Variants in LMBRD2 observed in about 807,000 individuals in gnomAD.
The protein encoded by LMBRD2 is LMBR1 domain containing 2, also known as G protein-coupled receptor-associated protein LMBRD2.
LMBRD2 carries 55 observed loss-of-function variants against 94.4 expected under a neutral mutation model. The ratio of observed to expected loss-of-function variants is 0.58; its 90% CI spans 0.47 to 0.73. The LOEUF (loss-of-function observed/expected upper bound fraction) is 0.73. LMBRD2 is among the 30% of genes least tolerant of loss of function. LMBRD2 has a pLI of 0.00. For synonymous variants in LMBRD2, 246 were observed against 272.4 expected, an observed-to-expected ratio of 0.90 and a Z score of 0.95; for missense variants, 640 against 831.9, an observed-to-expected ratio of 0.77 and a Z score of 2.84.
At chr5:36,148,803 G>A (rs1216531997) in intron 1 of LMBRD2, among the ~76,000 whole-genome samples, 1 of 152,124 alleles carries the variant, frequency 6.6e-6, no homozygotes, top group Non-Finnish European at 1.5e-5. Flanking sequence ...CTCTAATCTA[G>A]ACATAGTTTC....
At chr5:36,149,920 T>C (rs1744648194) in intron 1 of LMBRD2, among the ~76,000 whole-genome samples, 1 of 151,990 alleles carries the variant, frequency 6.6e-6, no homozygotes, top group African/African-American at 2.4e-5. Flanking sequence ...AAAATAAAAA[T>C]AAAATTAATC....
intron 6 of LMBRD2, among the ~76,000 whole-genome samples, chr5:36,128,833 C>G (rs1744069245): frequency 6.6e-6 from 1 of 151,976 alleles, no homozygotes; most frequent in Non-Finnish European, 1.5e-5. Flanking sequence ...CAAGGAAACT[C>G]AACAAAATTC....
chr5:36,110,608 G>A (rs1743581148), intron 14 of LMBRD2, among the ~76,000 whole-genome samples: 1 of 151,922 alleles, frequency 6.6e-6, no homozygotes, highest in Non-Finnish European at 1.5e-5. Context: ...ACTCAAGTAG[G>A]GAGAATGTCT....
chr5:36,120,067 C>CT (rs1166616874), intron 9 of LMBRD2, among the ~76,000 whole-genome samples: 1,606 of 140,846 alleles, frequency 0.011, 14 homozygotes, highest in Middle Eastern at 0.055. Context: ...CTCTTTATTT[C>CT]TTTTTTTTTT....
chr5:36,144,276 A>G (rs931064748), intron 1 of LMBRD2, among the ~76,000 whole-genome samples: 2 of 152,230 alleles, frequency 1.3e-5, no homozygotes, highest in African/African-American at 4.8e-5. Flanking sequence ...CAAAGGCAAT[A>G]TGAACTTTTT....
rs371000455 is a variant in LMBRD2, at chr5:36,146,941, A to AGT, written c.-57-3537_-57-3536dup. Among the ~76,000 whole-genome samples the AGT allele has an allele frequency of 4.6e-3, 641 of 139,458 alleles. 4 individuals are homozygous for AGT. The highest frequency in any genetic ancestry group is 0.013 in the South Asian group (57 of 4,224). 91.5% of individuals were successfully genotyped at this position (139,458 alleles called of 152,430 possible). ...CTCTGCGTGTGTGTGTGTGTGTGTGAGTGTGTGTGTGTGTGTGTGTGTGTG... is the reference window on the plus strand; with the variant it reads ...CTCTGCGTGTGTGTGTGTGTGTGTGAGTGTGTGTGTGTGTGTGTGTGTGTGTG... On this transcript the variant is annotated intron_variant, in intron 1 of 17. Transcript: ENST00000296603.
At chr5:36,149,559 T>C (rs12655052) in intron 1 of LMBRD2, among the ~76,000 whole-genome samples, 7,765 of 152,294 alleles carry the variant, frequency 0.051, 297 homozygotes, top group East Asian at 0.13. Context: ...CCTATCATCA[T>C]CTAGACAGCA....
At chr5:36,118,854 C>T (rs569749220) in intron 9 of LMBRD2, among the ~76,000 whole-genome samples, 94 of 151,906 alleles carry the variant, frequency 6.2e-4, no homozygotes, top group African/African-American at 2.2e-3. Context: ...CCACCATGCC[C>T]AGCTAATTTT....
chr5:36,107,512 T>C (rs533368197), intron 16 of LMBRD2, among the ~76,000 whole-genome samples: 12 of 152,374 alleles, frequency 7.9e-5, no homozygotes, highest in African/African-American at 1.7e-4. Context: ...TTCTATTAGA[T>C]CATCATTGCT....
In LMBRD2 at chr5:36,116,501, T is replaced by C. The variant is rs1267028676; in HGVS notation, c.1395A>G (p.Ser465=). The C allele has an allele frequency of 6.2e-7, 1 of 1,613,062 alleles. No individual in the cohort carries two copies. The highest frequency in any genetic ancestry group is 1.3e-5 in the African/African-American group (1 of 74,870). Residue 465 remains serine (S), a synonymous_variant, in exon 11 of 18, where the codon TCA becomes TCG. Transcript: ENST00000296603. ...IRVFNYYYLA[S]HHQTDAYSLL... ...GGCTATAAGCATCAGTCTGGTGATGTGAGGCCAAATAATAATAGTTAAATA... is the reference window on the plus strand; with the variant it reads ...GGCTATAAGCATCAGTCTGGTGATGCGAGGCCAAATAATAATAGTTAAATA...
chr5:36,136,994 A>G (rs1052064587), intron 5 of LMBRD2, among the ~76,000 whole-genome samples: 1 of 152,152 alleles, frequency 6.6e-6, no homozygotes, highest in African/African-American at 2.4e-5. Flanking sequence ...TATCATAAAA[A>G]TTTTGAAATT....
Position 36,144,098 on chromosome 5 carries a change from CTATT to C in LMBRD2, c.-57-696_-57-693del, listed in dbSNP as rs1744481250. Reference sequence around the variant, plus strand: ...TTATATGCAGAAAATTTATCAATGACTATTAAAGTCATACATTTGAAAACATTCT... The same window carrying C: ...TTATATGCAGAAAATTTATCAATGACAAAGTCATACATTTGAAAACATTCT... On this transcript the variant is annotated intron_variant, in intron 1 of 17. Coordinates refer to ENST00000296603, the MANE Select transcript of LMBRD2 (RefSeq NM_001007527.2). Among the ~76,000 whole-genome samples the C allele has an allele frequency of 2.0e-5, 3 of 152,000 alleles. No homozygotes were observed. The East Asian group carries it at 5.8e-4, about 29-fold the overall frequency.
intron 6 of LMBRD2, among the ~76,000 whole-genome samples, chr5:36,127,128 A>G (rs1174525898): frequency 6.6e-6 from 1 of 152,258 alleles, no homozygotes; most frequent in Non-Finnish European, 1.5e-5. Context: ...GAAAGTCAGT[A>G]GAATAGGAAT....
At chr5:36,139,430 T>C (rs1744349579) in intron 4 of LMBRD2, among the ~76,000 whole-genome samples, 2 of 152,178 alleles carry the variant, frequency 1.3e-5, no homozygotes, top group Admixed American at 1.3e-4. Context: ...AGGAGGCAGA[T>C]AGGCTCCTGG....
chr5:36,134,784 TG>T (rs1744231562), intron 6 of LMBRD2, among the ~76,000 whole-genome samples: 1 of 152,126 alleles, frequency 6.6e-6, no homozygotes, highest in South Asian at 2.1e-4. Flanking sequence ...CCACCCAGTT[TG>T]TAGTAGTTTT....
At chr5:36,150,398 A>G (rs1345517504) in intron 1 of LMBRD2, among the ~76,000 whole-genome samples, 1 of 152,200 alleles carries the variant, frequency 6.6e-6, no homozygotes, top group Non-Finnish European at 1.5e-5. Context: ...TTACATCTCA[A>G]AACTGTTTAT....
chr5:36,116,486 A>T lies in LMBRD2; in HGVS notation c.1410T>A (p.Asp470Glu). The stretch of plus-strand genomic sequence containing the variant: ...TGCCACTGAAAAGAAGGCTATAAGC[A>T]TCAGTCTGGTGATGTGAGGCCAAAT... ...YYYLASHHQT[D>E]AYSLLFSGML... The change falls in exon 11 of 18, where the codon GAT (aspartate) becomes GAA (glutamate). Residue 470 changes from aspartate to glutamate, a missense_variant. Asp to Glu is a conservative substitution (Grantham distance 45, BLOSUM62 2). Coordinates refer to ENST00000296603, the MANE Select transcript of LMBRD2 (RefSeq NM_001007527.2). 1.2e-6 allele frequency: 2 copies of T among 1,613,436 alleles called. No individual in the cohort carries two copies. Among genetic ancestry groups the T allele is most frequent in the South Asian group, 1.1e-5 (1 of 91,040 alleles).
chr5:36,109,637 A>G (rs1421612701), intron 15 of LMBRD2, among the ~76,000 whole-genome samples: 1 of 152,054 alleles, frequency 6.6e-6, no homozygotes, highest in African/African-American at 2.4e-5. Flanking sequence ...AACCACTTTA[A>G]TAGCAAGAAT....
Position 36,108,604 on chromosome 5 carries a change from A to C in LMBRD2, c.1827T>G (p.Asp609Glu). 6.3e-7 allele frequency: 1 copy of C among 1,592,972 alleles called. No individual in the cohort carries two copies. The highest frequency in any genetic ancestry group is 8.6e-7 in the Non-Finnish European group (1 of 1,165,458). The change falls in exon 16 of 18, where the codon GAT becomes GAG. Residue 609 changes from aspartate to glutamate, a missense_variant. This residue lies in a region of LMBRD2 where 183 missense variants were observed against 189.1 expected (regional missense o/e 0.97). Coordinates refer to ENST00000296603, the MANE Select transcript of LMBRD2 (RefSeq NM_001007527.2). ...WKERYGHNRE[D>E]STRNRNIHTD... ...TATGAATATTTCTGTTCCTAGTGGA[A>C]TCTTCTCTATTGTGTCCATAACGTT...
Sources: allele counts gnomAD v4.1 joint callset (sites outside exome capture counted in the v4.1 genomes callset), GRCh38; gene constraint gnomAD v4.1.1; regional missense constraint gnomAD v4.1.1; transcripts MANE v1.5; gene names NCBI Gene and HGNC (gene_info 2026-07-23, HGNC 2026-07-21).